TRPV5: variants seen among roughly 807,000 people sequenced by gnomAD.
The protein encoded by TRPV5 is transient receptor potential cation channel subfamily V member 5, also known as calcium transport protein 2.
In TRPV5, 66 loss-of-function variants were observed where a neutral mutation model predicts 74.1. That is an observed-to-expected ratio of 0.89 (90% CI 0.73 to 1.09). TRPV5 has a LOEUF of 1.09. Ranked by LOEUF, TRPV5 falls within the 50% of genes least tolerant of loss-of-function variation. The pLI is 0.00. For synonymous variants in TRPV5, 399 were observed against 360.7 expected, an observed-to-expected ratio of 1.11 and a Z score of -1.20; for missense variants, 936 against 930.4, an observed-to-expected ratio of 1.01 and a Z score of -0.08.
intron 5 of TRPV5, 71 bp from the exon 6 acceptor site, chr7:142,928,937 T>C: frequency 6.2e-7 from 1 of 1,611,122 alleles, no homozygotes; most frequent in East Asian, 2.2e-5. Context: ...CACTCTGGGG[T>C]CTTCCTAAAG....
At chr7:142,910,087 C>G (rs555426394) in intron 13 of TRPV5, among the ~76,000 whole-genome samples, 1 of 152,190 alleles carries the variant, frequency 6.6e-6, no homozygotes, top group African/African-American at 2.4e-5. Context: ...GTCCACCACA[C>G]GTTCTGTCCT....
intron 8 of TRPV5, among the ~76,000 whole-genome samples, chr7:142,921,112 T>TA (rs1795879247): frequency 6.6e-6 from 1 of 152,234 alleles, no homozygotes; most frequent in Admixed American, 6.5e-5. Flanking sequence ...GTTCAGAACT[T>TA]ACGAGGGATG....
chr7:142,926,162 T>A (rs74756881), intron 7 of TRPV5, among the ~76,000 whole-genome samples: 2 of 152,188 alleles, frequency 1.3e-5, no homozygotes, highest in East Asian at 3.8e-4. Context: ...CAGGGCCAGG[T>A]CATCATGCAT....
At chr7:142,911,990 T>C (rs962149332) in intron 13 of TRPV5, among the ~76,000 whole-genome samples, 1 of 152,218 alleles carries the variant, frequency 6.6e-6, no homozygotes, top group Non-Finnish European at 1.5e-5. Flanking sequence ...AATAAGGTAC[T>C]AATCAGCATT....
At chr7:142,916,027 C>T (rs577877452) in intron 8 of TRPV5, among the ~76,000 whole-genome samples, 107 of 152,240 alleles carry the variant, frequency 7.0e-4, no homozygotes, top group Non-Finnish European at 1.4e-3. Context: ...CTCACGGATC[C>T]GGAATCTACT....
chr7:142,927,601 A>G (rs901331892), intron 7 of TRPV5, among the ~76,000 whole-genome samples: 1 of 152,182 alleles, frequency 6.6e-6, no homozygotes, highest in Non-Finnish European at 1.5e-5. Context: ...AAGAGAGAGC[A>G]GGAGGAAGAG....
At chr7:142,925,480 C>T (rs1191236798) in intron 8 of TRPV5, 49 bp downstream of exon 8, 103 of 1,600,544 alleles carry the variant, frequency 6.4e-5, no homozygotes, top group Non-Finnish European at 8.7e-5. Flanking sequence ...TTTCCAGCAC[C>T]ATCACCCCTT....
At chr7:142,914,528 A>C (rs1795757688) in intron 12 of TRPV5, 112 bp downstream of exon 12, 1 of 906,622 alleles carries the variant, frequency 1.1e-6, no homozygotes, top group Non-Finnish European at 1.6e-6. Context: ...AAAAACAAAC[A>C]AAAAAAAAGA....
chr7:142,912,881 TAA>T (rs1795726670), intron 12 of TRPV5, 131 bp from the exon 13 acceptor site: 2 of 1,096,964 alleles, frequency 1.8e-6, no homozygotes, highest in African/African-American at 1.6e-5. Flanking sequence ...TCTATCTATC[TAA>T]ATACACTTGC....
At chr7:142,912,841 T>TATCTATCTATC in intron 12 of TRPV5, 91 bp from the exon 13 acceptor site, 1 of 760,784 alleles carries the variant, frequency 1.3e-6, no homozygotes, top group Non-Finnish European at 2.1e-6. Context: ...ATCTCTGATC[T>TATCTATCTATC]ATCTATCTAT....
intron 12 of TRPV5, 23 bp from the exon 13 acceptor site, chr7:142,912,773 A>G (rs747459514): frequency 1.2e-6 from 2 of 1,608,280 alleles, no homozygotes; most frequent in Admixed American, 1.7e-5. Flanking sequence ...GGAAGAGGAC[A>G]TGGAGATGGG....
chr7:142,918,431 C>T (rs902785857), intron 8 of TRPV5, among the ~76,000 whole-genome samples: 1 of 152,338 alleles, frequency 6.6e-6, no homozygotes, highest in African/African-American at 2.4e-5. Context: ...TGCCATCTAC[C>T]ATCTAGTTTA....
chr7:142,927,133 C>T (rs950882265), intron 7 of TRPV5, among the ~76,000 whole-genome samples: 4 of 152,154 alleles, frequency 2.6e-5, no homozygotes, highest in Non-Finnish European at 5.9e-5. Context: ...TCTCATCTTC[C>T]TGTGACTCCC....
rs1374234082 is a variant in TRPV5 at position 142,928,883 on chromosome 7, G to T, written c.587-17C>A. 3.1e-6 allele frequency: 5 copies of T among 1,613,478 alleles called. No homozygotes were observed. Among genetic ancestry groups the T allele is most frequent in the Non-Finnish European group, 3.4e-6 (4 of 1,179,650 alleles). ...CTGTGTTTCCTGGGGAGGACGCAGG[G>T]TATCATGTGGCCACTGGCCTAAAGT... On this transcript the variant is annotated splice_polypyrimidine_tract_variant and intron_variant, in intron 5 of 14. Transcript: ENST00000265310.
chr7:142,921,759 G>T (rs4252451), intron 8 of TRPV5, among the ~76,000 whole-genome samples: 7,174 of 152,238 alleles, frequency 0.047, 339 homozygotes, highest in African/African-American at 0.13. Context: ...TGGGGATAAA[G>T]CGTAAAACCC....
chr7:142,916,498 T>A (rs966017169), intron 8 of TRPV5, among the ~76,000 whole-genome samples: 1 of 152,220 alleles, frequency 6.6e-6, no homozygotes, highest in Admixed American at 6.5e-5. Flanking sequence ...TGTGTTCCCA[T>A]GTAGACAATT....
intron 8 of TRPV5, among the ~76,000 whole-genome samples, chr7:142,917,052 A>G (rs1795812894): frequency 6.8e-6 from 1 of 148,056 alleles, no homozygotes; most frequent in Admixed American, 6.7e-5. Flanking sequence ...GTTTTGTTCT[A>G]TTTTTTTGTG....
chr7:142,909,434 T>G, intron 14 of TRPV5, 56 bp downstream of exon 14: 4 of 1,592,228 alleles, frequency 2.5e-6, no homozygotes, highest in Non-Finnish European at 3.4e-6. Context: ...TCGGTCACCC[T>G]TGCTTCCGTG....
rs1483292843 is a variant in TRPV5 at position 142,924,389 on chromosome 7, T to TAC, written c.1122+1139_1122+1140insGT. On this transcript the variant is annotated intron_variant, in intron 8 of 14. Transcript: ENST00000265310. Reference sequence around the variant, plus strand: ...GTATATATATACATATATATATATATATACATATACATGTATATATATAAA... The same window carrying TAC: ...GTATATATATACATATATATATATATACATACATATACATGTATATATATAAA... Among the ~76,000 whole-genome samples the TAC allele has an allele frequency of 6.4e-5, 8 of 124,532 alleles. 1 individual carries two copies. Among genetic ancestry groups the TAC allele is most frequent in the African/African-American group, 2.1e-4 (6 of 28,050 alleles). The allele number at this position is 124,532 out of a possible 152,430, so 81.7% of individuals were successfully genotyped here. A position where few individuals can be genotyped will look rare whatever the true frequency, so the allele number is the denominator to read the frequency against.
Sources: allele counts gnomAD v4.1 joint callset (sites outside exome capture counted in the v4.1 genomes callset), GRCh38; gene constraint gnomAD v4.1.1; transcripts MANE v1.5; gene names NCBI Gene and HGNC (gene_info 2026-07-23, HGNC 2026-07-21).